Variants in ADAMTSL1 observed in about 807,000 individuals in gnomAD.
The protein encoded by ADAMTSL1 is ADAMTS like 1.
Under a neutral mutation model 201.8 loss-of-function variants are expected in ADAMTSL1, and 126 were observed. That is an observed-to-expected ratio of 0.62 (90% CI 0.54 to 0.72). The LOEUF is 0.72. Among genes scored for constraint, ADAMTSL1 ranks in the 30% least tolerant of loss-of-function variants. ADAMTSL1 has a pLI of 0.00. For missense variants in ADAMTSL1, 2,679 were observed against 2,277.8 expected (o/e 1.18, Z -3.59); for synonymous variants, 1,121 against 903.4 (o/e 1.24, Z -4.32).
intron 2 of ADAMTSL1, among the ~76,000 whole-genome samples, chr9:18,403,085 T>G (rs1214841722): frequency 6.6e-6 from 1 of 152,184 alleles, no homozygotes. Context: ...ATCAAATGGA[T>G]TGCAATGATA....
At chr9:18,563,534 A>C (rs1036629186) in intron 3 of ADAMTSL1, among the ~76,000 whole-genome samples, 2 of 152,226 alleles carry the variant, frequency 1.3e-5, no homozygotes, top group Admixed American at 1.3e-4. Flanking sequence ...GTAGAGCTCT[A>C]GCGCTGTGCT....
At position 18,815,910 on chromosome 9, in the gene ADAMTSL1, A is replaced by AT. The variant is rs530218268; in HGVS notation, c.3806-1192dup. On this transcript the variant is annotated intron_variant, in intron 20 of 28. Transcript: ENST00000380548. ...GTACATATTTATGGGGAACAGTGTG[A>AT]TTTTTTTGGATACATGTATACATTG... 1.4e-3 allele frequency among the ~76,000 whole-genome samples: 212 copies of AT among 152,136 alleles called. 1 individual carries two copies. Among genetic ancestry groups the AT allele is most frequent in the Non-Finnish European group, 1.7e-3 (116 of 67,994 alleles).
chr9:18,893,494 C>G (rs1311285479), intron 26 of ADAMTSL1, among the ~76,000 whole-genome samples: 1 of 152,190 alleles, frequency 6.6e-6, no homozygotes, highest in African/African-American at 2.4e-5. Context: ...ACGTGTCGAG[C>G]TTTAATGTGA....
intron 4 of ADAMTSL1, among the ~76,000 whole-genome samples, chr9:18,583,060 G>T (rs375895717): frequency 6.6e-6 from 1 of 152,066 alleles, no homozygotes; most frequent in Admixed American, 6.6e-5. Context: ...GCTCGGTCTT[G>T]GGTATGTTTA....
intron 2 of ADAMTSL1, among the ~76,000 whole-genome samples, chr9:18,316,227 G>A (rs529990560): frequency 3.3e-5 from 5 of 152,238 alleles, no homozygotes; most frequent in Admixed American, 6.5e-5. Context: ...GGACCGGGGC[G>A]AAATTAAAAT....
chr9:18,864,500 C>T (rs774465590), intron 23 of ADAMTSL1, among the ~76,000 whole-genome samples: 1 of 152,132 alleles, frequency 6.6e-6, no homozygotes, highest in Non-Finnish European at 1.5e-5. Context: ...ACAAAAAATC[C>T]ACTATATAAT....
intron 2 of ADAMTSL1, among the ~76,000 whole-genome samples, chr9:18,299,700 C>T (rs898429154): frequency 2.0e-5 from 3 of 152,158 alleles, no homozygotes; most frequent in African/African-American, 7.2e-5. Flanking sequence ...AGAGCCTGGG[C>T]GAGAGTCTCC....
At chr9:18,038,261 C>T (rs1002518804) in intron 1 of ADAMTSL1, among the ~76,000 whole-genome samples, 6 of 152,148 alleles carry the variant, frequency 3.9e-5, no homozygotes, top group Admixed American at 1.3e-4. Flanking sequence ...AGCTTGGGAA[C>T]ATTTCCAAGT....
chr9:18,123,841 T>C (rs1825612012), intron 1 of ADAMTSL1, among the ~76,000 whole-genome samples: 1 of 152,186 alleles, frequency 6.6e-6, no homozygotes, highest in Admixed American at 6.5e-5. Flanking sequence ...TAGATATAAA[T>C]GCAATCATAT....
intron 4 of ADAMTSL1, among the ~76,000 whole-genome samples, chr9:18,616,933 T>C (rs992223145): frequency 1.3e-5 from 2 of 152,186 alleles, no homozygotes; most frequent in Non-Finnish European, 2.9e-5. Context: ...AAATAATTAG[T>C]AAATAAAGGA....
chr9:18,103,977 C>G (rs183599273), intron 1 of ADAMTSL1, among the ~76,000 whole-genome samples: 16 of 152,252 alleles, frequency 1.1e-4, no homozygotes, highest in African/African-American at 3.8e-4. Context: ...AGTGTCAAAA[C>G]CAGTTTGACA....
intron 2 of ADAMTSL1, among the ~76,000 whole-genome samples, chr9:18,450,150 G>T (rs183348687): frequency 6.6e-6 from 1 of 152,156 alleles, no homozygotes; most frequent in Non-Finnish European, 1.5e-5. Flanking sequence ...AATAGGTAAC[G>T]AAATTATGGA....
chr9:18,284,028 C>G (rs1449810470), intron 2 of ADAMTSL1, among the ~76,000 whole-genome samples: 1 of 151,286 alleles, frequency 6.6e-6, no homozygotes, highest in African/African-American at 2.4e-5. Flanking sequence ...GTCAGCAGTT[C>G]GAGACCAGCC....
At chr9:17,960,756 C>T (rs1193890529) in intron 1 of ADAMTSL1, among the ~76,000 whole-genome samples, 1 of 152,212 alleles carries the variant, frequency 6.6e-6, no homozygotes, top group Admixed American at 6.5e-5. Context: ...CATCTCATCA[C>T]TGCCTGCACT....
At chr9:17,972,417 C>G (rs200570420) in intron 1 of ADAMTSL1, among the ~76,000 whole-genome samples, 2 of 148,294 alleles carry the variant, frequency 1.3e-5, no homozygotes, top group African/African-American at 5.0e-5. Flanking sequence ...TACGGTGTTT[C>G]GTTTTTTGTC....
chr9:18,333,939 AT>A (rs1395206003), intron 2 of ADAMTSL1, among the ~76,000 whole-genome samples: 1 of 152,250 alleles, frequency 6.6e-6, no homozygotes, highest in East Asian at 1.9e-4. Flanking sequence ...CAGATCTTCC[AT>A]TAGAGGCCCC....
chr9:17,917,084 A>G (rs1004511181), intron 1 of ADAMTSL1, among the ~76,000 whole-genome samples: 24 of 152,244 alleles, frequency 1.6e-4, no homozygotes, highest in Non-Finnish European at 3.5e-4. Flanking sequence ...CAAAAATACA[A>G]TTGATTTTAT....
chr9:18,511,637 G>C (rs1470449973), intron 2 of ADAMTSL1, among the ~76,000 whole-genome samples: 1 of 152,238 alleles, frequency 6.6e-6, no homozygotes, highest in East Asian at 1.9e-4. Flanking sequence ...GAATAGGAAA[G>C]ATCATTCTAA....
chr9:17,995,667 T>C (rs1819344810), intron 1 of ADAMTSL1, among the ~76,000 whole-genome samples: 1 of 152,058 alleles, frequency 6.6e-6, no homozygotes, highest in African/African-American at 2.4e-5. Flanking sequence ...TGCCAAATTG[T>C]TTTTTAACAG....
Sources: gnomAD v4.1 joint callset for allele counts (sites outside exome capture counted in the v4.1 genomes callset) on GRCh38, gnomAD v4.1.1 for gene constraint, MANE v1.5 for transcripts, NCBI Gene and HGNC (gene_info 2026-07-23, HGNC 2026-07-21) for gene names.